SQOR: variants seen among roughly 807,000 people sequenced by gnomAD.
SQOR encodes sulfide quinone oxidoreductase.
In SQOR, 39 loss-of-function variants were observed where a neutral mutation model predicts 48.6. The ratio of observed to expected loss-of-function variants is 0.80; its 90% confidence interval spans 0.62 to 1.05. The LOEUF (loss-of-function observed/expected upper bound fraction) is 1.05. Among genes scored for constraint, SQOR ranks in the 50% least tolerant of loss-of-function variants. SQOR has a pLI of 0.00. For synonymous variants in SQOR, 220 were observed against 206.2 expected (o/e 1.07, Z -0.57); for missense variants, 561 against 559.9 (o/e 1.00, Z -0.02).
intron 7 of SQOR, among the ~76,000 whole-genome samples, chr15:45,685,889 A>T (rs976615786): frequency 6.6e-6 from 1 of 151,924 alleles, no homozygotes. Flanking sequence ...CCCAGGGTGG[A>T]GTGTAGTAGA....
chr15:45,652,705 C>T (rs916953807), intron 1 of SQOR, among the ~76,000 whole-genome samples: 4 of 123,178 alleles, frequency 3.2e-5, no homozygotes, highest in African/African-American at 6.3e-5. Flanking sequence ...GGCACGGTGG[C>T]TCACACCTGT....
chr15:45,679,571 G>A (rs1890090752), intron 6 of SQOR, among the ~76,000 whole-genome samples: 3 of 152,100 alleles, frequency 2.0e-5, no homozygotes, highest in Admixed American at 6.6e-5. Flanking sequence ...CATGGTGGCA[G>A]GAGCCTGTAA....
chr15:45,635,898 C>T (rs1894995477), intron 1 of SQOR, among the ~76,000 whole-genome samples: 2 of 152,102 alleles, frequency 1.3e-5, no homozygotes, highest in African/African-American at 4.8e-5. Context: ...TGCAGTGGCG[C>T]GATCTCGGCT....
At chr15:45,656,137 A>G (rs1889605972) in intron 1 of SQOR, among the ~76,000 whole-genome samples, 1 of 151,968 alleles carries the variant, frequency 6.6e-6, no homozygotes, top group Non-Finnish European at 1.5e-5. Context: ...ATCACAGTCC[A>G]CCCATGGGCT....
chr15:45,669,856 T>C, intron 3 of SQOR, 72 bp from the exon 4 acceptor site: 1 of 1,308,146 alleles, frequency 7.6e-7, no homozygotes, highest in Non-Finnish European at 1.1e-6. Context: ...GAACCACATC[T>C]GGGGCCTGAG....
chr15:45,668,741 A>C (rs1889883870), intron 3 of SQOR, among the ~76,000 whole-genome samples: 1 of 152,204 alleles, frequency 6.6e-6, no homozygotes, highest in Non-Finnish European at 1.5e-5. Context: ...GTACAGGATC[A>C]TGGTAATCAC....
At chr15:45,650,583 C>T (rs933602445) in intron 1 of SQOR, among the ~76,000 whole-genome samples, 1 of 152,228 alleles carries the variant, frequency 6.6e-6, no homozygotes, top group Non-Finnish European at 1.5e-5. Context: ...ACTGCCACCG[C>T]TCGCTCGGGC....
At chr15:45,686,024 G>T (rs1411681255) in intron 7 of SQOR, among the ~76,000 whole-genome samples, 2 of 124,352 alleles carry the variant, frequency 1.6e-5, no homozygotes, top group East Asian at 5.2e-4. Flanking sequence ...TAATTTTTAA[G>T]TTATCTGTAG....
chr15:45,655,974 C>T (rs377596540), intron 1 of SQOR, among the ~76,000 whole-genome samples: 17 of 151,394 alleles, frequency 1.1e-4, no homozygotes, highest in South Asian at 1.0e-3. Flanking sequence ...CGTGAGCCAC[C>T]GTGCCTGGCC....
At chr15:45,690,363 G>C (rs1890301329) in intron 9 of SQOR, among the ~76,000 whole-genome samples, 1 of 152,158 alleles carries the variant, frequency 6.6e-6, no homozygotes, top group Non-Finnish European at 1.5e-5. Context: ...ACTGCACCCA[G>C]CCACTCTTCT....
At chr15:45,662,550 T>TG (rs909297710) in intron 3 of SQOR, among the ~76,000 whole-genome samples, 5 of 152,242 alleles carry the variant, frequency 3.3e-5, no homozygotes, top group Admixed American at 3.3e-4. Context: ...CCAGCCACCC[T>TG]GGGGGGCGCT....
Position 45,681,067 on chromosome 15 carries a change from C to G in SQOR, c.865-1411C>G, listed in dbSNP as rs114906352. On this transcript the variant is annotated intron_variant, in intron 6 of 9. Transcript: ENST00000260324. ...CTAATAAAAGAAAAAACAACAACAA[C>G]AAACTAGCTGGGTGTGGTGGTGCGT... 5.9e-3 allele frequency among the ~76,000 whole-genome samples: 899 copies of G among 152,000 alleles called. 10 individuals are homozygous for G. Among genetic ancestry groups the G allele is most frequent in the African/African-American group, 0.021 (867 of 41,474 alleles).
chr15:45,667,723 C>G (rs1025914768), intron 3 of SQOR, among the ~76,000 whole-genome samples: 5 of 151,962 alleles, frequency 3.3e-5, no homozygotes, highest in African/African-American at 9.7e-5. Context: ...TTATTTGCAT[C>G]ATGTTTGGTG....
intron 1 of SQOR, among the ~76,000 whole-genome samples, chr15:45,656,301 AT>A (rs1889609967): frequency 6.6e-6 from 1 of 152,050 alleles, no homozygotes. Context: ...ATTAATATTA[AT>A]TTTATTTATT....
At chr15:45,636,001 T>C (rs1234982317) in intron 1 of SQOR, among the ~76,000 whole-genome samples, 1 of 151,972 alleles carries the variant, frequency 6.6e-6, no homozygotes, top group Non-Finnish European at 1.5e-5. Context: ...TGGCTAATTT[T>C]AGTATTTGTA....
chr15:45,669,936 C>T lies in SQOR; in HGVS notation c.414C>T (p.Tyr138=). ...IHTDDDEKIS[Y]RYLIIALGIQ... ...GTCTTTTTGTGTTGCAGATCTCCTA[C>T]CGATATCTTATTATTGCTCTCGGAA... The change falls in exon 4 of 10, where the codon TAC becomes TAT. Residue 138 remains tyrosine, a synonymous_variant. Coordinates refer to ENST00000260324, the MANE Select transcript of SQOR (RefSeq NM_021199.4). 1 of 1,613,990 alleles carries T rather than the reference C, an allele frequency of 6.2e-7. No individual in the cohort carries two copies. The highest frequency in any genetic ancestry group is 8.5e-7 in the Non-Finnish European group (1 of 1,179,864).
At chr15:45,638,461 G>A (rs186072120) in intron 1 of SQOR, among the ~76,000 whole-genome samples, 3 of 152,228 alleles carry the variant, frequency 2.0e-5, no homozygotes, top group Admixed American at 6.5e-5. Context: ...GGTGGCTCAC[G>A]CCTGTAATCC....
intron 9 of SQOR, 24 bp downstream of exon 9, chr15:45,689,241 G>C: frequency 3.1e-6 from 5 of 1,611,132 alleles, no homozygotes; most frequent in Non-Finnish European, 4.2e-6. Flanking sequence ...CTGGTTCCTG[G>C]ATGAGGAAAG....
chr15:45,658,742 C>G lies in SQOR; in HGVS notation c.-17-165C>G, dbSNP rs565766546. Among the ~76,000 whole-genome samples the G allele has an allele frequency of 9.2e-5, 14 of 152,338 alleles. No individual in the cohort carries two copies. In the East Asian group the frequency reaches 2.7e-3, roughly 29 times the overall value. ...CTGATAGCTACCAATTGGGTGCTCT[C>G]AGGAGACCTTGGGACCACAGCCAGT... On this transcript the variant is annotated intron_variant, in intron 1 of 9. Coordinates refer to ENST00000260324, the MANE Select transcript of SQOR (RefSeq NM_021199.4).
Sources: gnomAD v4.1 joint callset for allele counts (sites outside exome capture counted in the v4.1 genomes callset) on GRCh38, gnomAD v4.1.1 for gene constraint, MANE v1.5 for transcripts, NCBI Gene and HGNC (gene_info 2026-07-23, HGNC 2026-07-21) for gene names.